CTTNBP2: variants seen among roughly 807,000 people sequenced by gnomAD.
CTTNBP2 encodes cortactin-binding protein 2.
CTTNBP2 carries 108 observed loss-of-function variants against 156.9 expected under a neutral mutation model. The observed-to-expected ratio is 0.69, with a 90% CI of 0.59 to 0.81. The LOEUF (loss-of-function observed/expected upper bound fraction) is 0.81, where lower values mean the gene tolerates loss of function less well. CTTNBP2 is among the 30% of genes least tolerant of loss of function. The pLI is 0.00. For missense variants in CTTNBP2, 1,924 were observed against 2,035.4 expected, an observed-to-expected ratio of 0.95 and a Z score of 1.05; for synonymous variants, 767 against 751.8, an observed-to-expected ratio of 1.02 and a Z score of -0.33.
At chr7:117,780,968 A>G (rs1001861031) in intron 6 of CTTNBP2, among the ~76,000 whole-genome samples, 9 of 152,254 alleles carry the variant, frequency 5.9e-5, no homozygotes, top group African/African-American at 2.2e-4. Context: ...GAACACTGAA[A>G]AAAGGCTGCT....
chr7:117,752,091 A>G (rs1482417735), intron 12 of CTTNBP2, among the ~76,000 whole-genome samples: 3 of 152,232 alleles, frequency 2.0e-5, no homozygotes, highest in South Asian at 2.1e-4. Flanking sequence ...TCTTAGACAC[A>G]TAACTATCAC....
intron 3 of CTTNBP2, among the ~76,000 whole-genome samples, chr7:117,808,987 G>A (rs1800107069): frequency 6.6e-6 from 1 of 152,112 alleles, no homozygotes; most frequent in Non-Finnish European, 1.5e-5. Flanking sequence ...CTCCCTGTCA[G>A]AGAAACCCTT....
At chr7:117,795,350 C>T (rs35618845) in intron 3 of CTTNBP2, among the ~76,000 whole-genome samples, 2,478 of 152,060 alleles carry the variant, frequency 0.016, 22 homozygotes, top group South Asian at 0.032. Flanking sequence ...AAATTTAAAT[C>T]GTATTTTATA....
intron 9 of CTTNBP2, 116 bp downstream of exon 9, chr7:117,766,943 A>G: frequency 2.9e-6 from 2 of 685,536 alleles, no homozygotes; most frequent in Admixed American, 2.1e-5. Context: ...TGCCATAGCT[A>G]GGGCTCCAAA....
chr7:117,873,135 C>A (rs1243081854), intron 1 of CTTNBP2, among the ~76,000 whole-genome samples, 200 bp downstream of exon 1: 1 of 152,174 alleles, frequency 6.6e-6, no homozygotes, highest in Non-Finnish European at 1.5e-5. Context: ...GGATCCCCAG[C>A]CAGGGTGGCC....
rs1562992426 is a variant in CTTNBP2 at position 117,773,694 on chromosome 7, CACACACACA to C, written c.2778+3808_2778+3816del. On this transcript the variant is annotated intron_variant, in intron 8 of 22. Transcript: ENST00000160373. ...ACACACACACACACACACACACACA[CACACACACA>C]CACACCCCAAAAAACAAAAAGCAGA... Among the ~76,000 whole-genome samples, 192 of 141,884 alleles carry C rather than the reference CACACACACA, an allele frequency of 1.4e-3. 2 individuals are homozygous for C. The highest frequency in any genetic ancestry group is 3.6e-3 in the Middle Eastern group (1 of 278). The allele number at this position is 141,884 out of a possible 152,430, so 93.1% of individuals were successfully genotyped here. A position where few individuals can be genotyped will look rare whatever the true frequency, so the allele number is the denominator to read the frequency against.
At chr7:117,835,372 T>C (rs183183115) in intron 2 of CTTNBP2, among the ~76,000 whole-genome samples, 1 of 152,240 alleles carries the variant, frequency 6.6e-6, no homozygotes, top group African/African-American at 2.4e-5. Context: ...CCCAACTTAA[T>C]GTGTAAACAG....
At chr7:117,855,785 C>T (rs530053653) in intron 2 of CTTNBP2, among the ~76,000 whole-genome samples, 12 of 152,280 alleles carry the variant, frequency 7.9e-5, no homozygotes, top group African/African-American at 2.6e-4. Context: ...TACTGAGTCA[C>T]GGTCTGAGAA....
chr7:117,825,624 G>A (rs1262661741), intron 2 of CTTNBP2, among the ~76,000 whole-genome samples: 2 of 152,146 alleles, frequency 1.3e-5, no homozygotes, highest in Non-Finnish European at 2.9e-5. Context: ...AGGTCAAACT[G>A]GATTTGGATA....
At chr7:117,785,158 C>T (rs1408145415) in intron 4 of CTTNBP2, among the ~76,000 whole-genome samples, 1 of 152,110 alleles carries the variant, frequency 6.6e-6, no homozygotes, top group Non-Finnish European at 1.5e-5. Context: ...TTACAAAATG[C>T]CTAACAAACT....
At chr7:117,824,780 G>A (rs561014347) in intron 2 of CTTNBP2, among the ~76,000 whole-genome samples, 63 of 152,280 alleles carry the variant, frequency 4.1e-4, no homozygotes, top group Non-Finnish European at 7.6e-4. Context: ...TCACTTCAAC[G>A]CCTAGGTTTC....
At chr7:117,871,844 T>TCACTCACACACACACACACACACACACA (rs1804620806) in intron 1 of CTTNBP2, 5 of 298,196 alleles carry the variant, frequency 1.7e-5, no homozygotes, top group African/African-American at 1.7e-4. Flanking sequence ...TCCTTCCCCT[T>TCACTCACACACACACACACACACACACA]CACACACACA....
At chr7:117,775,546 G>A (rs910119798) in intron 8 of CTTNBP2, among the ~76,000 whole-genome samples, 15 of 149,644 alleles carry the variant, frequency 1.0e-4, no homozygotes, top group Non-Finnish European at 1.5e-4. Context: ...TTCAGTAGCC[G>A]AACATCCTAG....
Position 117,725,186 on chromosome 7 carries a change from A to C in CTTNBP2, c.4127T>G (p.Val1376Gly). Residue 1376 changes from valine (V) to glycine (G), a missense_variant, in exon 18 of 23, where the codon GTG becomes GGG. By Grantham distance (109) the Val-to-Gly change is moderately radical. Transcript: ENST00000160373. ...VQEAILSRAS[V>G]KRQPGFGQTT... ...CTGCCCAAAGCCAGGTTGTCTTTTC[A>C]CAGAGGCTCTTGACAATATTGCTTC... 6.2e-7 allele frequency: 1 copy of C among 1,614,044 alleles called. No individual in the cohort carries two copies. The highest frequency in any genetic ancestry group is 8.5e-7 in the Non-Finnish European group (1 of 1,180,022).
intron 2 of CTTNBP2, among the ~76,000 whole-genome samples, chr7:117,836,423 G>A (rs780950368): frequency 1.2e-4 from 18 of 152,162 alleles, no homozygotes; most frequent in Non-Finnish European, 2.5e-4. Context: ...AATTAGCCAG[G>A]CGTGGTGGTG....
At chr7:117,806,443 C>T (rs570141137) in intron 3 of CTTNBP2, among the ~76,000 whole-genome samples, 8 of 152,216 alleles carry the variant, frequency 5.3e-5, no homozygotes, top group Non-Finnish European at 1.2e-4. Flanking sequence ...TTTAACCATA[C>T]TCTTGATTGC....
intron 2 of CTTNBP2, among the ~76,000 whole-genome samples, chr7:117,835,544 A>G (rs1801872813): frequency 6.6e-6 from 1 of 152,096 alleles, no homozygotes; most frequent in African/African-American, 2.4e-5. Context: ...TTCTCTCTCT[A>G]GTCACTTTCC....
chr7:117,862,682 A>T (rs1010093616), intron 1 of CTTNBP2, among the ~76,000 whole-genome samples: 1 of 152,080 alleles, frequency 6.6e-6, no homozygotes, highest in Non-Finnish European at 1.5e-5. Flanking sequence ...TTTATCCCCA[A>T]ATCTCTCTGT....
chr7:117,732,696 T>A (rs1378403579), intron 16 of CTTNBP2, among the ~76,000 whole-genome samples: 1 of 151,414 alleles, frequency 6.6e-6, no homozygotes, highest in Non-Finnish European at 1.5e-5. Flanking sequence ...ACTAACTTTG[T>A]ATTTTACAAG....
Sources: allele counts gnomAD v4.1 joint callset (sites outside exome capture counted in the v4.1 genomes callset), GRCh38; gene constraint gnomAD v4.1.1; transcripts MANE v1.5; gene names NCBI Gene and HGNC (gene_info 2026-07-23, HGNC 2026-07-21).